HSPA12A: variants seen among roughly 807,000 people sequenced by gnomAD.
The protein encoded by HSPA12A is heat shock protein family A (Hsp70) member 12A.
HSPA12A carries 28 observed loss-of-function variants against 69.2 expected under a neutral mutation model. The ratio of observed to expected loss-of-function variants is 0.40; its 90% CI spans 0.30 to 0.55. The LOEUF is 0.55. HSPA12A is among the 20% of genes least tolerant of loss of function. The pLI, the probability that HSPA12A is intolerant of heterozygous loss-of-function variation, is 0.38. For synonymous variants in HSPA12A, 345 were observed against 370.5 expected (o/e 0.93, Z 0.79); for missense variants, 686 against 900.7 (o/e 0.76, Z 3.05).
intron 3 of HSPA12A, 27 bp downstream of exon 3, chr10:116,705,124 C>T (rs782801929): frequency 2.8e-5 from 45 of 1,613,010 alleles, no homozygotes; most frequent in Admixed American, 6.7e-5. Context: ...GCACCAGCCA[C>T]GTGGCCCTCC....
chr10:116,808,823 G>GT, intron 2 of HSPA12A, among the ~76,000 whole-genome samples: 1 of 152,278 alleles, frequency 6.6e-6, no homozygotes, highest in Non-Finnish European at 1.5e-5. Flanking sequence ...TGTACAGGGT[G>GT]TATTTACAGA....
chr10:116,730,695 T>A (rs182207818), intron 1 of HSPA12A, among the ~76,000 whole-genome samples: 7 of 152,358 alleles, frequency 4.6e-5, no homozygotes, highest in African/African-American at 1.7e-4. Context: ...TCCCCAGCCA[T>A]GCCCACCCCC....
intron 1 of HSPA12A, among the ~76,000 whole-genome samples, chr10:116,722,545 T>A (rs1398534072): frequency 6.6e-6 from 1 of 152,248 alleles, no homozygotes; most frequent in Non-Finnish European, 1.5e-5. Context: ...ACGGGTGGTA[T>A]GACCCAGAAG....
At chr10:116,777,821 G>A (rs573814730) in intron 2 of HSPA12A, among the ~76,000 whole-genome samples, 9 of 152,324 alleles carry the variant, frequency 5.9e-5, no homozygotes, top group African/African-American at 2.2e-4. Flanking sequence ...TCCACCTCCT[G>A]GGTTCAAGCG....
Position 116,742,562 on chromosome 10 carries a change from T to G in HSPA12A, c.-93A>C. 1 of 1,157,522 alleles carries G rather than the reference T, an allele frequency of 8.6e-7. No individual in the cohort carries two copies. The highest frequency in any genetic ancestry group is 1.1e-6 in the Non-Finnish European group (1 of 940,944). 71.7% of individuals were successfully genotyped at this position (1,157,522 alleles called of 1,614,324 possible). On this transcript the variant is annotated 5_prime_UTR_variant, in exon 1 of 12. Coordinates refer to ENST00000369209, the MANE Select transcript of HSPA12A (RefSeq NM_025015.3). ...CGCGTCCGCGGCGGCGCTCGGGCCG[T>G]GTCTGAGCCGCCGGGCAGCGGGAGC...
intron 2 of HSPA12A, among the ~76,000 whole-genome samples, chr10:116,815,267 A>G (rs1845278129): frequency 6.6e-6 from 1 of 151,394 alleles, no homozygotes; most frequent in African/African-American, 2.4e-5. Context: ...AAAAAAAAAA[A>G]AAAAAAAATA....
Position 116,674,502 on chromosome 10 carries a change from T to C in HSPA12A, c.*279A>G, listed in dbSNP as rs1260662111. On this transcript the variant is annotated 3_prime_UTR_variant, in exon 12 of 12. Coordinates refer to ENST00000369209, the MANE Select transcript of HSPA12A (RefSeq NM_025015.3). ...CTGCAGAAATGTACTGATTCCCTTC[T>C]CCGTGGCCATTTCACCACTTTTGTA... The C allele has an allele frequency of 2.1e-6, 1 of 469,682 alleles. No individual in the cohort carries two copies. The highest frequency in any genetic ancestry group is 3.9e-6 in the Non-Finnish European group (1 of 259,528). 29.1% of individuals were successfully genotyped at this position (469,682 alleles called of 1,614,324 possible).
chr10:116,771,172 G>A (rs1314443993), intron 2 of HSPA12A, among the ~76,000 whole-genome samples: 4 of 152,226 alleles, frequency 2.6e-5, no homozygotes, highest in African/African-American at 7.2e-5. Flanking sequence ...CCAAGTCCAC[G>A]GTTCAAAGGC....
At chr10:116,742,160 A>G (rs1338027030) in intron 1 of HSPA12A, among the ~76,000 whole-genome samples, 1 of 151,766 alleles carries the variant, frequency 6.6e-6, no homozygotes, top group Non-Finnish European at 1.5e-5. Flanking sequence ...GGGACCAACC[A>G]GGCGCCTCAG....
chr10:116,764,710 C>T (rs541145263), intron 2 of HSPA12A, among the ~76,000 whole-genome samples: 42 of 151,898 alleles, frequency 2.8e-4, no homozygotes, highest in Non-Finnish European at 5.3e-4. Context: ...TTTATATACC[C>T]GAAAATCAAT....
rs530625305 is a variant in HSPA12A at position 116,788,114 on chromosome 10, A to G, written c.91+46821T>C. ...GAAAAATATCTGTGTCACAGCACCA[A>G]CTGGAAACCAACGCGCGTACATCCT... On this transcript the variant is annotated intron_variant, in intron 2 of 12. Coordinates refer to the HSPA12A transcript ENST00000635765. Among the ~76,000 whole-genome samples, 6 of 152,324 alleles carry G rather than the reference A, an allele frequency of 3.9e-5. No individual in the cohort carries two copies. The South Asian group carries it at 1.2e-3, about 32-fold the overall frequency.
At chr10:116,776,937 T>C (rs1393168895) in intron 2 of HSPA12A, among the ~76,000 whole-genome samples, 1 of 152,226 alleles carries the variant, frequency 6.6e-6, no homozygotes, top group African/African-American at 2.4e-5. Flanking sequence ...ATGGGAGATA[T>C]TGACAACCTG....
intron 2 of HSPA12A, among the ~76,000 whole-genome samples, chr10:116,763,987 A>G (rs1844026430): frequency 6.6e-6 from 1 of 151,906 alleles, no homozygotes; most frequent in African/African-American, 2.4e-5. Context: ...CTTCCCTGCA[A>G]CCTTTGGGGG....
chr10:116,849,672 C>T (rs1249575657), exon 1 of HSPA12A: 2 of 1,549,686 alleles, frequency 1.3e-6, no homozygotes, highest in South Asian at 1.2e-5. Flanking sequence ...TCCGCGCAGG[C>T]TGGAAGAGCT....
chr10:116,807,740 C>A (rs1413410976), intron 2 of HSPA12A, among the ~76,000 whole-genome samples: 3 of 152,210 alleles, frequency 2.0e-5, no homozygotes, highest in Admixed American at 6.5e-5. Context: ...GAGCAAGGAT[C>A]ACACTGCAGC....
At chr10:116,816,638 A>G (rs1298903945) in intron 2 of HSPA12A, among the ~76,000 whole-genome samples, 1 of 152,212 alleles carries the variant, frequency 6.6e-6, no homozygotes, top group Non-Finnish European at 1.5e-5. Flanking sequence ...CAGCCCCGAC[A>G]TCCAATTCCG....
At chr10:116,849,946 G>A (rs1368338314), upstream of HSPA12A, 2 of 716,302 alleles carry the variant, frequency 2.8e-6, no homozygotes, top group Non-Finnish European at 5.0e-6. Flanking sequence ...CAGAAAGGAG[G>A]CAGCTGGAGG....
chr10:116,779,406 G>A (rs1844412910), intron 2 of HSPA12A, among the ~76,000 whole-genome samples: 1 of 152,128 alleles, frequency 6.6e-6, no homozygotes, highest in South Asian at 2.1e-4. Context: ...GATGAGGGTG[G>A]GGCACCTCAG....
intron 2 of HSPA12A, among the ~76,000 whole-genome samples, chr10:116,776,594 G>A (rs550259330): frequency 4.6e-5 from 7 of 152,114 alleles, no homozygotes; most frequent in Non-Finnish European, 1.0e-4. Context: ...TAATTTGATC[G>A]TCAAAGTGAA....
Sources: allele counts gnomAD v4.1 joint callset (sites outside exome capture counted in the v4.1 genomes callset), GRCh38; gene constraint gnomAD v4.1.1; transcripts MANE v1.5; gene names NCBI Gene and HGNC (gene_info 2026-07-23, HGNC 2026-07-21).